PRKCA: variants seen among roughly 807,000 people sequenced by gnomAD.
The protein encoded by PRKCA is protein kinase C alpha.
Under a neutral mutation model 87.0 loss-of-function variants are expected in PRKCA, and 27 were observed. That is an observed-to-expected ratio of 0.31 (90% CI 0.23 to 0.43). The LOEUF (loss-of-function observed/expected upper bound fraction) is 0.43. PRKCA is among the 20% of genes least tolerant of loss of function. The pLI is 1.00. For synonymous variants in PRKCA, 329 were observed against 311.1 expected (o/e 1.06, Z -0.61); for missense variants, 518 against 852.3 (o/e 0.61, Z 4.88).
intron 2 of PRKCA, among the ~76,000 whole-genome samples, chr17:66,489,379 A>G (rs1198402640): frequency 3.0e-5 from 3 of 99,666 alleles, no homozygotes; most frequent in East Asian, 8.6e-4. Flanking sequence ...ATATATATAT[A>G]TATATATATA....
chr17:66,757,413 A>G (rs1974572883), intron 13 of PRKCA, among the ~76,000 whole-genome samples: 1 of 152,170 alleles, frequency 6.6e-6, no homozygotes, highest in African/African-American at 2.4e-5. Context: ...CAAATGACAC[A>G]AAGTAGGACA....
chr17:66,420,773 C>T (rs771364202), intron 2 of PRKCA, among the ~76,000 whole-genome samples: 3 of 152,102 alleles, frequency 2.0e-5, no homozygotes, highest in Non-Finnish European at 4.4e-5. Flanking sequence ...TTTTGACTGG[C>T]GATTTTTATC....
At chr17:66,327,240 G>A (rs528456800) in intron 2 of PRKCA, among the ~76,000 whole-genome samples, 64 of 151,708 alleles carry the variant, frequency 4.2e-4, no homozygotes, top group African/African-American at 1.5e-3. Context: ...GGTGGTGGGC[G>A]CCTGTAGTCC....
At chr17:66,386,743 C>T (rs1204728243) in intron 2 of PRKCA, among the ~76,000 whole-genome samples, 4 of 152,220 alleles carry the variant, frequency 2.6e-5, no homozygotes, top group East Asian at 1.9e-4. Flanking sequence ...GCCCTACACA[C>T]ATTATACCAA....
At chr17:66,685,193 A>G (rs1042621616) in intron 5 of PRKCA, among the ~76,000 whole-genome samples, 8 of 152,102 alleles carry the variant, frequency 5.3e-5, no homozygotes, top group African/African-American at 1.7e-4. Flanking sequence ...GCCCCCAACC[A>G]TGTAAGGTAT....
At chr17:66,418,202 A>G (rs1007267319) in intron 2 of PRKCA, among the ~76,000 whole-genome samples, 1 of 152,200 alleles carries the variant, frequency 6.6e-6, no homozygotes, top group Admixed American at 6.5e-5. Context: ...AAGCAGATCT[A>G]AAAGCTATGA....
intron 5 of PRKCA, among the ~76,000 whole-genome samples, chr17:66,660,715 C>A (rs1048567766): frequency 6.6e-6 from 1 of 151,828 alleles, no homozygotes; most frequent in African/African-American, 2.4e-5. Context: ...CGGTGAAAAC[C>A]TGTCTCTACT....
chr17:66,479,855 A>G (rs1459031568), intron 2 of PRKCA, among the ~76,000 whole-genome samples: 1 of 152,130 alleles, frequency 6.6e-6, no homozygotes, highest in Non-Finnish European at 1.5e-5. Flanking sequence ...GGCCTGTCAG[A>G]AGGTGGAGGG....
In PRKCA at chr17:66,558,751, A is replaced by G. The variant is rs149447120; in HGVS notation, c.288+62468A>G. On this transcript the variant is annotated intron_variant, in intron 3 of 16. Transcript: ENST00000413366. The stretch of plus-strand genomic sequence containing the variant: ...AATGTGAGAAGAGTAGTGGTTGGCA[A>G]TTGCAGTTGTTTTAGTCCAAGATGA... 2.3e-4 allele frequency among the ~76,000 whole-genome samples: 35 copies of G among 152,264 alleles called. No individual in the cohort carries two copies. The East Asian group carries it at 5.4e-3, about 24-fold the overall frequency.
intron 2 of PRKCA, chr17:66,415,892 T>A (rs1912117856): frequency 6.6e-6 from 1 of 152,176 alleles, no homozygotes; most frequent in Non-Finnish European, 1.5e-5. Context: ...GCTGTTGTTA[T>A]AATTAAGGTC....
At chr17:66,482,892 T>C (rs555643980) in intron 2 of PRKCA, among the ~76,000 whole-genome samples, 14 of 152,364 alleles carry the variant, frequency 9.2e-5, no homozygotes, top group Admixed American at 3.3e-4. Context: ...GTGATTTAGG[T>C]TTAAATAACT....
intron 2 of PRKCA, among the ~76,000 whole-genome samples, chr17:66,395,010 A>G (rs991122092): frequency 6.6e-6 from 1 of 152,246 alleles, no homozygotes; most frequent in Non-Finnish European, 1.5e-5. Flanking sequence ...TATTTTTAGC[A>G]TTATTTCAAT....
intron 3 of PRKCA, among the ~76,000 whole-genome samples, chr17:66,563,430 C>G (rs1968777950): frequency 6.6e-6 from 1 of 152,158 alleles, no homozygotes; most frequent in African/African-American, 2.4e-5. Flanking sequence ...CAGTATGTAG[C>G]CTGTTCAGAT....
At position 66,681,050 on chromosome 17, in the gene PRKCA, G is replaced by A. The variant is rs868441110; in HGVS notation, c.530-6061G>A. Among the ~76,000 whole-genome samples the A allele has an allele frequency of 1.5e-4, 23 of 152,306 alleles. No homozygotes were observed. The South Asian group carries it at 1.7e-3, about 11-fold the overall frequency. ...TTGAGACCAGCCTGGCCAACGTGGTGAAACCCCGTCTCTACTAAAAATACT... is the reference window on the plus strand; with the variant it reads ...TTGAGACCAGCCTGGCCAACGTGGTAAAACCCCGTCTCTACTAAAAATACT... On this transcript the variant is annotated intron_variant, in intron 5 of 16. Coordinates refer to ENST00000413366, the MANE Select transcript of PRKCA (RefSeq NM_002737.3).
chr17:66,714,226 G>A lies in PRKCA; in HGVS notation c.919-18462G>A, dbSNP rs759632577. Among the ~76,000 whole-genome samples the A allele has an allele frequency of 1.1e-4, 16 of 150,574 alleles. No individual in the cohort carries two copies. In the South Asian group the frequency reaches 1.3e-3, roughly 12 times the overall value. On this transcript the variant is annotated intron_variant, in intron 8 of 16. Transcript: ENST00000413366. ...ATCCCAGCCATGTTCCCCCCCACCC[G>A]CTGCTTCCTTTGGGGAGAATGCCCC...
At chr17:66,532,200 C>T (rs1967569435) in intron 3 of PRKCA, among the ~76,000 whole-genome samples, 1 of 151,670 alleles carries the variant, frequency 6.6e-6, no homozygotes, top group Non-Finnish European at 1.5e-5. Flanking sequence ...AGTCTGTCCC[C>T]ACCATCTTTG....
At chr17:66,758,051 A>G (rs983805280) in intron 13 of PRKCA, among the ~76,000 whole-genome samples, 2 of 152,228 alleles carry the variant, frequency 1.3e-5, no homozygotes, top group South Asian at 4.1e-4. Flanking sequence ...AGAGAAGGAA[A>G]GTGACATAGG....
At chr17:66,433,265 C>CA (rs1913189989) in intron 2 of PRKCA, among the ~76,000 whole-genome samples, 1 of 152,150 alleles carries the variant, frequency 6.6e-6, no homozygotes, top group Non-Finnish European at 1.5e-5. Context: ...AGCTTCCCTG[C>CA]AGCCCCGGCC....
chr17:66,669,337 AT>A (rs1972118179), intron 5 of PRKCA, among the ~76,000 whole-genome samples: 1 of 152,148 alleles, frequency 6.6e-6, no homozygotes, highest in Non-Finnish European at 1.5e-5. Context: ...ATTGCAGAAA[AT>A]CAAATCAGCG....
Sources: allele counts gnomAD v4.1 joint callset (sites outside exome capture counted in the v4.1 genomes callset), GRCh38; gene constraint gnomAD v4.1.1; transcripts MANE v1.5; gene names NCBI Gene and HGNC (gene_info 2026-07-23, HGNC 2026-07-21).